Variants in BTBD9 observed in about 807,000 individuals in gnomAD.
BTBD9 encodes BTB domain containing 9.
Under a neutral mutation model 64.3 loss-of-function variants are expected in BTBD9, and 49 were observed. The observed-to-expected ratio is 0.76, with a 90% CI of 0.61 to 0.97. BTBD9 has a LOEUF of 0.97. BTBD9 is among the 50% of genes least tolerant of loss of function. The probability of loss-of-function intolerance (pLI) is 0.00; values close to 1 mark genes in which losing one functional copy is unlikely to be tolerated. For synonymous variants in BTBD9, 260 were observed against 274.7 expected, an observed-to-expected ratio of 0.95 and a Z score of 0.53; for missense variants, 598 against 762.1, an observed-to-expected ratio of 0.78 and a Z score of 2.53.
At chr6:38,275,150 AT>A (rs1765337922) in intron 8 of BTBD9, among the ~76,000 whole-genome samples, 1 of 152,210 alleles carries the variant, frequency 6.6e-6, no homozygotes, top group Non-Finnish European at 1.5e-5. Flanking sequence ...CAAAACAGAG[AT>A]ATAGATCAAT....
chr6:38,300,276 T>G (rs1304106676), intron 7 of BTBD9, among the ~76,000 whole-genome samples: 1 of 152,224 alleles, frequency 6.6e-6, no homozygotes, highest in Non-Finnish European at 1.5e-5. Flanking sequence ...TAGTGTAGTT[T>G]GAAGTCAGGT....
intron 9 of BTBD9, among the ~76,000 whole-genome samples, chr6:38,249,523 C>G (rs890088108): frequency 2.0e-5 from 3 of 152,058 alleles, no homozygotes; most frequent in African/African-American, 7.2e-5. Flanking sequence ...GCCTCAGCCT[C>G]CCAAAGTGCT....
chr6:38,198,965 C>G (rs963325816), intron 9 of BTBD9, among the ~76,000 whole-genome samples: 2 of 152,156 alleles, frequency 1.3e-5, no homozygotes, highest in Non-Finnish European at 2.9e-5. Flanking sequence ...CTCAGATCCT[C>G]AAGTCACCAG....
chr6:38,360,637 G>T (rs1189882313), intron 6 of BTBD9, among the ~76,000 whole-genome samples: 7 of 152,094 alleles, frequency 4.6e-5, no homozygotes, highest in Admixed American at 2.6e-4. Context: ...GGGATGCCAG[G>T]AAAAAATGTA....
intron 6 of BTBD9, among the ~76,000 whole-genome samples, chr6:38,480,819 C>T (rs1231632139): frequency 1.3e-5 from 2 of 152,094 alleles, no homozygotes; most frequent in Non-Finnish European, 2.9e-5. Flanking sequence ...CAAGATTTGG[C>T]GCTTCCCAAA....
intron 6 of BTBD9, among the ~76,000 whole-genome samples, chr6:38,438,954 A>T (rs1768887840): frequency 6.6e-6 from 1 of 152,162 alleles, no homozygotes; most frequent in South Asian, 2.1e-4. Flanking sequence ...CAGAGGGGAC[A>T]GCAAGTCCTG....
intron 6 of BTBD9, among the ~76,000 whole-genome samples, chr6:38,442,661 C>CTTTTTTTT (rs11313452): frequency 4.5e-4 from 26 of 57,562 alleles, no homozygotes; most frequent in South Asian, 1.0e-3. Context: ...CATTTGTACT[C>CTTTTTTTT]TTTTTTTTTT....
chr6:38,562,935 C>A (rs1775319347), intron 6 of BTBD9, among the ~76,000 whole-genome samples: 1 of 152,164 alleles, frequency 6.6e-6, no homozygotes, highest in South Asian at 2.1e-4. Context: ...ACTACTGTAT[C>A]AGTAAAACTG....
chr6:38,380,692 A>C (rs1315881620), intron 6 of BTBD9, among the ~76,000 whole-genome samples: 3 of 152,152 alleles, frequency 2.0e-5, no homozygotes, highest in African/African-American at 7.2e-5. Flanking sequence ...AGTTTTTTTA[A>C]AATACAGCTG....
At chr6:38,382,699 GACAA>G (rs1024866689) in intron 6 of BTBD9, among the ~76,000 whole-genome samples, 1 of 151,828 alleles carries the variant, frequency 6.6e-6, no homozygotes, top group Non-Finnish European at 1.5e-5. Flanking sequence ...AGAGAGAAAG[GACAA>G]ACAATTTTAG....
intron 6 of BTBD9, among the ~76,000 whole-genome samples, chr6:38,417,038 A>T (rs1767700068): frequency 6.6e-6 from 1 of 151,858 alleles, no homozygotes; most frequent in Admixed American, 6.6e-5. Context: ...CTGGGCTCAA[A>T]CAAGGTGCTC....
Position 38,276,007 on chromosome 6 carries a change from C to G in BTBD9, c.1454+12265G>C, listed in dbSNP as rs912046678. On this transcript the variant is annotated intron_variant, in intron 8 of 10. Transcript: ENST00000481247. ...GCCATCCCATTACTGGGTATATACC[C>G]AAAGGACTATTAAATCATGCTGCTA... Among the ~76,000 whole-genome samples the G allele has an allele frequency of 1.4e-4, 21 of 152,092 alleles. 1 individual carries two copies. Among genetic ancestry groups the G allele is most frequent in the African/African-American group, 4.6e-4 (19 of 41,390 alleles).
At chr6:38,425,047 T>A (rs1308584312) in intron 6 of BTBD9, among the ~76,000 whole-genome samples, 1 of 151,090 alleles carries the variant, frequency 6.6e-6, no homozygotes. Context: ...AACAGGCTGG[T>A]CGTGGTGATC....
chr6:38,196,681 C>T (rs780662786), intron 9 of BTBD9, among the ~76,000 whole-genome samples: 1 of 152,210 alleles, frequency 6.6e-6, no homozygotes, highest in Non-Finnish European at 1.5e-5. Context: ...AGTGTGTAAT[C>T]TCACCAGGGA....
chr6:38,558,595 T>C (rs2127454689), intron 6 of BTBD9, among the ~76,000 whole-genome samples: 1 of 152,322 alleles, frequency 6.6e-6, no homozygotes, highest in East Asian at 1.9e-4. Context: ...AGGTTTTTTA[T>C]CATGAAGAGA....
chr6:38,402,761 A>C, intron 6 of BTBD9: 2 of 698,970 alleles, frequency 2.9e-6, no homozygotes, highest in Non-Finnish European at 5.2e-6. Context: ...TTAGGCAACA[A>C]TTTCTTAGCA....
chr6:38,319,617 ACT>A (rs1470700236), intron 7 of BTBD9, among the ~76,000 whole-genome samples: 11 of 151,652 alleles, frequency 7.3e-5, no homozygotes, highest in Non-Finnish European at 1.6e-4. Flanking sequence ...AGGCCTCAGG[ACT>A]CTGCCCAGTG....
intron 10 of BTBD9, 60 bp from the exon 11 acceptor site, chr6:38,175,242 C>A: frequency 1.3e-6 from 2 of 1,578,260 alleles, no homozygotes; most frequent in South Asian, 1.1e-5. Context: ...CCTGGAGTTG[C>A]CGCAAGTTGG....
chr6:38,465,690 A>G (rs1358657536), intron 6 of BTBD9, among the ~76,000 whole-genome samples: 147 of 120,422 alleles, frequency 1.2e-3, no homozygotes, highest in Non-Finnish European at 2.2e-3. Context: ...CCATCTCTAA[A>G]TAAATAAATA....
Sources: gnomAD v4.1 joint callset for allele counts (sites outside exome capture counted in the v4.1 genomes callset) on GRCh38, gnomAD v4.1.1 for gene constraint, MANE v1.5 for transcripts, NCBI Gene and HGNC (gene_info 2026-07-23, HGNC 2026-07-21) for gene names.